USP36: variants seen among roughly 807,000 people sequenced by gnomAD.
The protein encoded by USP36 is ubiquitin carboxyl-terminal hydrolase 36.
In USP36, 59 loss-of-function variants were observed where a neutral mutation model predicts 111.5. The observed-to-expected ratio is 0.53, with a 90% CI of 0.43 to 0.66. USP36 has a LOEUF of 0.66. Among genes scored for constraint, USP36 ranks in the 30% least tolerant of loss-of-function variants. The probability of loss-of-function intolerance (pLI) is 0.00; values close to 1 mark genes in which losing one functional copy is unlikely to be tolerated. For synonymous variants in USP36, 628 were observed against 581.0 expected, an observed-to-expected ratio of 1.08 and a Z score of -1.16; for missense variants, 1,488 against 1,468.0, an observed-to-expected ratio of 1.01 and a Z score of -0.22.
intron 6 of USP36, among the ~76,000 whole-genome samples, chr17:78,826,255 A>C (rs752847968): frequency 5.3e-5 from 8 of 152,172 alleles, no homozygotes; most frequent in Non-Finnish European, 1.2e-4. Flanking sequence ...TTAAGCCAGG[A>C]ATGGTGGCTC....
In USP36 at chr17:78,797,675, T is replaced by C. The variant is rs955829386; in HGVS notation, c.*225A>G. The C allele has an allele frequency of 6.6e-6, 1 of 152,292 alleles. No individual in the cohort carries two copies. Among genetic ancestry groups the C allele is most frequent in the African/African-American group, 2.4e-5 (1 of 41,412 alleles). The allele number at this position is 152,292 out of a possible 1,614,324, so 9.4% of individuals were successfully genotyped here. The stretch of plus-strand genomic sequence containing the variant: ...ACCTCTGCTCACACACACACTGTCG[T>C]TTCTCTTGCAGGGCTGGTCGGGAAT... On this transcript the variant is annotated 3_prime_UTR_variant, in exon 21 of 21. Transcript: ENST00000449938.
chr17:78,830,019 G>A (rs558434593), intron 4 of USP36, among the ~76,000 whole-genome samples: 14 of 152,326 alleles, frequency 9.2e-5, no homozygotes, highest in South Asian at 2.1e-4. Context: ...GATTACAGGC[G>A]TGAGCCATCG....
At chr17:78,823,003 T>C in intron 6 of USP36, 1 of 397,576 alleles carries the variant, frequency 2.5e-6, no homozygotes. Context: ...TCCAGGGCTC[T>C]CTCCACGTTT....
chr17:78,818,111 A>C (rs2094230308), intron 10 of USP36, among the ~76,000 whole-genome samples: 1 of 152,014 alleles, frequency 6.6e-6, no homozygotes, highest in African/African-American at 2.4e-5. Context: ...TAAACAATAA[A>C]ATACCATCGT....
At chr17:78,840,027 G>A (rs1317164895) in intron 1 of USP36, among the ~76,000 whole-genome samples, 1 of 152,256 alleles carries the variant, frequency 6.6e-6, no homozygotes, top group Non-Finnish European at 1.5e-5. Flanking sequence ...GCCCACGGAA[G>A]CAGCGGCCTC....
rs530840031 is a variant in USP36 at position 78,798,898 on chromosome 17, C to A, written c.3240+10G>T. The stretch of plus-strand genomic sequence containing the variant: ...TCCCTCAAGCCTGTGGTCAGCATCA[C>A]ACATCATACCTTCCCTCGGTCAAAC... On this transcript the variant is annotated intron_variant, in intron 19 of 20. Transcript: ENST00000449938. This position sits in a 1 kb window ranked among gnomAD's most constrained non-coding sequence, Gnocchi z 5.1. The A allele has an allele frequency of 2.1e-5, 34 of 1,613,844 alleles. No individual in the cohort carries two copies. Among genetic ancestry groups the A allele is most frequent in the African/African-American group, 2.7e-5 (2 of 74,942 alleles).
rs143094463 is a variant in USP36, at chr17:78,789,869, T to C, written c.*21-2211A>G. 1.9e-3 allele frequency among the ~76,000 whole-genome samples: 286 copies of C among 152,266 alleles called. 2 individuals carry two copies. Among genetic ancestry groups the C allele is most frequent in the African/African-American group, 6.6e-3 (276 of 41,542 alleles). On this transcript the variant is annotated intron_variant, in intron 3 of 3. Coordinates refer to the USP36 transcript ENST00000588130. ...TGCGGGTAGGGCTCAGGGAAGGCAA[T>C]GTGAAGGGGAATTAGTGCAGTGTGG... is the stretch of plus-strand genomic sequence containing the variant.
At chr17:78,829,153 C>A in intron 4 of USP36, 146 bp from the exon 5 acceptor site, 1 of 635,408 alleles carries the variant, frequency 1.6e-6, no homozygotes, top group Non-Finnish European at 2.7e-6. Flanking sequence ...GCCAGAGATC[C>A]CAGACCTCTG....
chr17:78,813,719 A>G lies in USP36; in HGVS notation c.1265+54T>C, dbSNP rs986834028. The G allele has an allele frequency of 9.2e-6, 14 of 1,521,136 alleles. No homozygotes were observed. The African/African-American group carries it at 1.7e-4, about 18-fold the overall frequency. The allele number at this position is 1,521,136 out of a possible 1,614,324, so 94.2% of individuals were successfully genotyped here. On this transcript the variant is annotated intron_variant, in intron 12 of 20. Coordinates refer to ENST00000449938, the MANE Select transcript of USP36 (RefSeq NM_001385174.1). ...AAAAAGGTTAGGGAGGCCCACCGGTATAAGAAAAGAGCAGAGGGAGTGAGC... is the reference window on the plus strand; with the variant it reads ...AAAAAGGTTAGGGAGGCCCACCGGTGTAAGAAAAGAGCAGAGGGAGTGAGC...
intron 1 of USP36, among the ~76,000 whole-genome samples, chr17:78,839,524 G>A (rs929697874): frequency 6.6e-6 from 1 of 152,224 alleles, no homozygotes; most frequent in African/African-American, 2.4e-5. Flanking sequence ...CCTGGAAGGT[G>A]AGAACTCTGT....
chr17:78,816,864 C>G (rs1160785126), intron 10 of USP36, among the ~76,000 whole-genome samples: 1 of 152,122 alleles, frequency 6.6e-6, no homozygotes, highest in Non-Finnish European at 1.5e-5. Context: ...CAAGTATATA[C>G]TGATGGACAT....
rs777212345 is a variant in USP36 at position 78,821,023 on chromosome 17, C to T, written c.796G>A (p.Asp266Asn). 2 of 1,608,198 alleles carry T rather than the reference C, an allele frequency of 1.2e-6. No individual in the cohort carries two copies. The highest frequency in any genetic ancestry group is 1.7e-6 in the Non-Finnish European group (2 of 1,177,352). ...TCCAGCGCGACGTCCAAGTAGGGGT[C>T]GTAGGTGTCCGAGACGCTCTTGCAC... ...SVCKSVSDTYDPYLDVALEIR... is the reference protein window; with the variant it reads ...SVCKSVSDTYNPYLDVALEIR... The change falls in exon 8 of 21, where the codon GAC becomes AAC. Residue 266 changes from aspartate to asparagine, a missense_variant. This residue lies in a region of USP36 where 196 missense variants were observed against 264.4 expected (regional missense o/e 0.74). Transcript: ENST00000449938.
At chr17:78,828,510 T>C (rs2067784186) in intron 5 of USP36, among the ~76,000 whole-genome samples, 1 of 152,258 alleles carries the variant, frequency 6.6e-6, no homozygotes, top group Non-Finnish European at 1.5e-5. Context: ...AAAAGCTACC[T>C]GTCCTGACCT....
intron 1 of USP36, chr17:78,840,223 C>CCCCAGG (rs1392906853): frequency 6.6e-6 from 1 of 152,448 alleles, no homozygotes; most frequent in African/African-American, 2.4e-5. Context: ...GCCACTCCAG[C>CCCCAGG]CCCAGGCCCA....
rs188523854 is a variant in USP36 at position 78,799,599 on chromosome 17, C to G, written c.3124+68G>C. The G allele has an allele frequency of 5.7e-4, 826 of 1,454,888 alleles. 3 individuals are homozygous for G. In the African/African-American group the frequency reaches 9.8e-3, roughly 17 times the overall value. The allele number at this position is 1,454,888 out of a possible 1,614,324, so 90.1% of individuals were successfully genotyped here. A position where few individuals can be genotyped will look rare whatever the true frequency, so the allele number is the denominator to read the frequency against. On this transcript the variant is annotated intron_variant, in intron 18 of 20. Coordinates refer to ENST00000449938, the MANE Select transcript of USP36 (RefSeq NM_001385174.1). ...CACTCACAGTGCACCAGGATCCATTCCACACCCTTCCCTCCTACAAAACCA... is the reference window on the plus strand; with the variant it reads ...CACTCACAGTGCACCAGGATCCATTGCACACCCTTCCCTCCTACAAAACCA...
chr17:78,821,119 C>T, intron 7 of USP36, 58 bp from the exon 8 acceptor site: 1 of 1,522,562 alleles, frequency 6.6e-7, no homozygotes, highest in Non-Finnish European at 8.9e-7. Flanking sequence ...CTCCCAGCTC[C>T]CAAGACCGAG....
Position 78,819,982 on chromosome 17 carries a change from G to C in USP36, c.859C>G (p.Leu287Val). The C allele has an allele frequency of 3.7e-6, 6 of 1,614,162 alleles. No homozygotes were observed. Among genetic ancestry groups the C allele is most frequent in the Non-Finnish European group, 5.1e-6 (6 of 1,179,982 alleles). The change falls in exon 9 of 21, where the codon CTT becomes GTT. Residue 287 changes from leucine (L) to valine (V), a missense_variant. Around this residue, in one of 3 missense-constraint regions of USP36, gnomAD observed 196 missense variants for 264.4 expected, o/e 0.74. Transcript: ENST00000449938. ...CTCAGGACATCTGCTTTCACAAAAAGTTCCAGAGCACGCACAATATTCGCA... is the reference window on the plus strand; with the variant it reads ...CTCAGGACATCTGCTTTCACAAAAACTTCCAGAGCACGCACAATATTCGCA... ...QAANIVRALELFVKADVLSGE... is the reference protein window; with the variant it reads ...QAANIVRALEVFVKADVLSGE...
At position 78,803,994 on chromosome 17, in the gene USP36, G is replaced by T; in HGVS notation, c.2217-16C>A. 6.5e-7 allele frequency: 1 copy of T among 1,546,890 alleles called. No homozygotes were observed. ...TGACACAGCCCTGTGGGGACAGCCA[G>T]GAAACAGGGAGAGGATGTTCTGAAA... is the stretch of plus-strand genomic sequence containing the variant. On this transcript the variant is annotated splice_polypyrimidine_tract_variant and intron_variant, in intron 15 of 20. Coordinates refer to ENST00000449938, the MANE Select transcript of USP36 (RefSeq NM_001385174.1). This position sits in a 1 kb window ranked among gnomAD's most constrained non-coding sequence, Gnocchi z 4.6.
At chr17:78,800,969 ATTTTTTTTTTT>A (rs746497209) in intron 17 of USP36, among the ~76,000 whole-genome samples, 7 of 97,194 alleles carry the variant, frequency 7.2e-5, no homozygotes, top group African/African-American at 2.9e-4. Context: ...TTAGGGCAGT[ATTTTTTTTTTT>A]TTTTTTTTTT....
Sources: allele counts gnomAD v4.1 joint callset (sites outside exome capture counted in the v4.1 genomes callset), GRCh38; gene constraint gnomAD v4.1.1; regional missense constraint gnomAD v4.1.1; non-coding constraint Gnocchi (gnomAD v3.1); transcripts MANE v1.5; gene names NCBI Gene and HGNC (gene_info 2026-07-23, HGNC 2026-07-21).